AKAP6: variants seen among roughly 807,000 people sequenced by gnomAD.
AKAP6 encodes the protein A-kinase anchoring protein 6, also known as A-kinase anchor protein 6.
AKAP6 carries 58 observed loss-of-function variants against 188.5 expected under a neutral mutation model. The observed-to-expected ratio is 0.31, with a 90% confidence interval of 0.25 to 0.38. The LOEUF (loss-of-function observed/expected upper bound fraction) is 0.38. AKAP6 is among the 10% of genes least tolerant of loss of function. The pLI is 1.00. For synonymous variants in AKAP6, 989 were observed against 998.6 expected (o/e 0.99, Z 0.18); for missense variants, 2,710 against 2,740.0 (o/e 0.99, Z 0.24).
chr14:32,395,214 G>C (rs931472691), intron 1 of AKAP6, among the ~76,000 whole-genome samples: 1 of 152,146 alleles, frequency 6.6e-6, no homozygotes. Flanking sequence ...TGAGAATGCA[G>C]AGGATAATAA....
At chr14:32,723,173 T>C (rs2030645131) in intron 9 of AKAP6, among the ~76,000 whole-genome samples, 1 of 152,214 alleles carries the variant, frequency 6.6e-6, no homozygotes, top group Non-Finnish European at 1.5e-5. Context: ...CTCTCCTGTC[T>C]CACTTTTTTA....
intron 1 of AKAP6, among the ~76,000 whole-genome samples, chr14:32,353,551 A>T (rs1887366540): frequency 6.6e-6 from 1 of 152,172 alleles, no homozygotes; most frequent in South Asian, 2.1e-4. Context: ...ACAGAGCAAG[A>T]CACAGAGATG....
chr14:32,521,271 G>A (rs576227765), intron 2 of AKAP6, among the ~76,000 whole-genome samples: 111 of 151,992 alleles, frequency 7.3e-4, no homozygotes, highest in African/African-American at 6.8e-4. Flanking sequence ...CTTTGAAAAC[G>A]GGCACCAGAC....
chr14:32,824,363 G>A lies in AKAP6; in HGVS notation c.6550G>A (p.Glu2184Lys), dbSNP rs201039342. 2.2e-5 allele frequency: 36 copies of A among 1,613,906 alleles called. No homozygotes were observed. Among genetic ancestry groups the A allele is most frequent in the Admixed American group, 1.7e-4 (10 of 59,916 alleles). ...TCCAAATGAATCTGCAGTTCCCAGC[G>A]AAGCTGCAATGCCACTACAAGCAAC... ...APPNESAVPS[E>K]AAMPLQATAC... is the part of the protein sequence containing the mutation. Residue 2184 changes from glutamate (E) to lysine (K), a missense_variant, in exon 13 of 14, where the codon GAA (glutamate) becomes AAA (lysine). This residue lies in a region of AKAP6 where 2,473 missense variants were observed against 2,426.1 expected (regional missense o/e 1.02). Transcript: ENST00000280979.
intron 3 of AKAP6, among the ~76,000 whole-genome samples, chr14:32,540,131 G>GCTCTCTCTCTCT (rs1216788649): frequency 8.3e-4 from 55 of 66,472 alleles, no homozygotes; most frequent in African/African-American, 2.2e-3. Flanking sequence ...TTGCTCGTGC[G>GCTCTCTCTCTCT]CTCTCTCTCT....
At chr14:32,818,739 G>A (rs1250934647) in intron 12 of AKAP6, among the ~76,000 whole-genome samples, 1 of 152,106 alleles carries the variant, frequency 6.6e-6, no homozygotes, top group Non-Finnish European at 1.5e-5. Context: ...AGATGAGTCT[G>A]ACTTGCAGGT....
intron 2 of AKAP6, among the ~76,000 whole-genome samples, chr14:32,488,525 T>C (rs1879823345): frequency 6.6e-6 from 1 of 152,070 alleles, no homozygotes; most frequent in Admixed American, 6.5e-5. Flanking sequence ...CAGCCCCCTT[T>C]CCAGGGGACC....
intron 2 of AKAP6, among the ~76,000 whole-genome samples, chr14:32,474,901 T>C (rs1951192): frequency 0.48 from 72,831 of 151,954 alleles, 17,778 homozygotes; most frequent in East Asian, 0.67. Context: ...AATTCTAACC[T>C]ACCATTCATT....
intron 1 of AKAP6, among the ~76,000 whole-genome samples, chr14:32,346,102 C>T (rs1174619740): frequency 6.6e-6 from 1 of 152,100 alleles, no homozygotes; most frequent in African/African-American, 2.4e-5. Context: ...GATGAGTCCC[C>T]CATCATGAAG....
At chr14:32,723,633 T>A (rs1362012868) in intron 9 of AKAP6, among the ~76,000 whole-genome samples, 1 of 151,346 alleles carries the variant, frequency 6.6e-6, no homozygotes, top group African/African-American at 2.4e-5. Flanking sequence ...ACTGAACCCA[T>A]GTTGAAGCCG....
chr14:32,581,411 C>T (rs1440562132), intron 5 of AKAP6, among the ~76,000 whole-genome samples: 1 of 152,086 alleles, frequency 6.6e-6, no homozygotes, highest in East Asian at 1.9e-4. Flanking sequence ...GCTTTACTTC[C>T]AACTATGTGG....
At chr14:32,525,501 CA>C (rs755869568) in intron 2 of AKAP6, among the ~76,000 whole-genome samples, 2 of 152,178 alleles carry the variant, frequency 1.3e-5, no homozygotes, top group Non-Finnish European at 2.9e-5. Context: ...TGAATGCTTC[CA>C]AGACTGTATT....
intron 9 of AKAP6, among the ~76,000 whole-genome samples, chr14:32,700,859 T>A (rs1210432846): frequency 6.6e-6 from 1 of 152,198 alleles, no homozygotes; most frequent in African/African-American, 2.4e-5. Flanking sequence ...ATAGCAGGGA[T>A]ATACATTTCT....
chr14:32,584,739 CAA>C (rs1440743259), intron 5 of AKAP6, among the ~76,000 whole-genome samples: 1 of 152,078 alleles, frequency 6.6e-6, no homozygotes, highest in Non-Finnish European at 1.5e-5. Context: ...TTTAATAAAA[CAA>C]TATGTATTTT....
chr14:32,733,540 G>A (rs2031281521), intron 10 of AKAP6: 1 of 152,154 alleles, frequency 6.6e-6, no homozygotes, highest in Middle Eastern at 3.4e-3. Flanking sequence ...TGAATAAAAA[G>A]CTCTTCATGT....
chr14:32,790,740 G>C (rs953607992), intron 12 of AKAP6, among the ~76,000 whole-genome samples: 3 of 152,028 alleles, frequency 2.0e-5, no homozygotes, highest in Admixed American at 1.3e-4. Context: ...CATGCATTAG[G>C]TGTTTGTCCT....
chr14:32,411,642 C>T (rs959080069), intron 1 of AKAP6, among the ~76,000 whole-genome samples: 9 of 152,094 alleles, frequency 5.9e-5, no homozygotes, highest in South Asian at 2.1e-4. Context: ...AGTTTTTGGG[C>T]ATTTGGGGGC....
chr14:32,441,100 TC>T (rs1345648131), intron 2 of AKAP6, among the ~76,000 whole-genome samples: 1 of 152,174 alleles, frequency 6.6e-6, no homozygotes, highest in Non-Finnish European at 1.5e-5. Flanking sequence ...TCCTAGACTT[TC>T]CAGCCTCCAA....
intron 2 of AKAP6, among the ~76,000 whole-genome samples, chr14:32,472,020 CATAG>C: frequency 1.3e-5 from 2 of 152,072 alleles, no homozygotes; most frequent in Non-Finnish European, 2.9e-5. Context: ...TACTTTTTGT[CATAG>C]TTTGGGTTCC....
Sources: allele counts gnomAD v4.1 joint callset (sites outside exome capture counted in the v4.1 genomes callset), GRCh38; gene constraint gnomAD v4.1.1; regional missense constraint gnomAD v4.1.1; transcripts MANE v1.5; gene names NCBI Gene and HGNC (gene_info 2026-07-23, HGNC 2026-07-21).